The following SCAI variants were observed in gnomAD, a reference collection of about 807,000 sequenced individuals.
The protein encoded by SCAI is suppressor of cancer cell invasion.
SCAI carries 24 observed loss-of-function variants against 92.2 expected under a neutral mutation model. The ratio of observed to expected loss-of-function variants is 0.26; its 90% CI spans 0.19 to 0.37. The LOEUF (loss-of-function observed/expected upper bound fraction) is 0.37. SCAI is among the 10% of genes least tolerant of loss of function. The pLI is 1.00. For missense variants in SCAI, 450 were observed against 736.2 expected (o/e 0.61, Z 4.50); for synonymous variants, 261 against 258.6 (o/e 1.01, Z -0.09).
At chr9:124,978,209 A>T (rs1831801927) in intron 14 of SCAI, among the ~76,000 whole-genome samples, 2 of 152,204 alleles carry the variant, frequency 1.3e-5, no homozygotes, top group African/African-American at 4.8e-5. Context: ...TGGGAGGCAG[A>T]GGTGGGCAGA....
intron 13 of SCAI, among the ~76,000 whole-genome samples, chr9:124,998,684 C>T (rs1355304939): frequency 6.6e-6 from 1 of 152,060 alleles, no homozygotes; most frequent in Non-Finnish European, 1.5e-5. Flanking sequence ...GACTGGAGCA[C>T]AATCTCAGTT....
At chr9:125,084,158 C>CCTTTTTTTTTTT (rs1224570781) in intron 2 of SCAI, among the ~76,000 whole-genome samples, 1 of 65,138 alleles carries the variant, frequency 1.5e-5, no homozygotes, top group African/African-American at 6.6e-5. Flanking sequence ...TTGGCTGCTG[C>CCTTTTTTTTTTT]TTTTTTTTTT....
At chr9:125,021,876 C>T (rs949906841) in intron 6 of SCAI, among the ~76,000 whole-genome samples, 1 of 151,880 alleles carries the variant, frequency 6.6e-6, no homozygotes, top group African/African-American at 2.4e-5. Flanking sequence ...GAGTAGCTGG[C>T]CTGCAAATGC....
At position 125,018,660 on chromosome 9, in the gene SCAI, T is replaced by C. The variant is rs576270266; in HGVS notation, c.861+139A>G. The C allele has an allele frequency of 1.9e-5, 13 of 672,304 alleles. No homozygotes were observed. The African/African-American group carries it at 2.0e-4, about 10-fold the overall frequency. 41.6% of individuals were successfully genotyped at this position (672,304 alleles called of 1,614,324 possible). A position where few individuals can be genotyped will look rare whatever the true frequency, so the allele number is the denominator to read the frequency against. On this transcript the variant is annotated intron_variant, in intron 9 of 17. Transcript: ENST00000336505. ...ATTTAAATATCTGTAATATATTCCATATATGCACACAGCATAATTTAATCA... is the reference window on the plus strand; with the variant it reads ...ATTTAAATATCTGTAATATATTCCACATATGCACACAGCATAATTTAATCA...
chr9:125,099,219 C>A (rs1834627338), intron 2 of SCAI, among the ~76,000 whole-genome samples: 1 of 151,840 alleles, frequency 6.6e-6, no homozygotes, highest in Non-Finnish European at 1.5e-5. Context: ...TATGCAGATA[C>A]TTCCCCAAAT....
intron 17 of SCAI, among the ~76,000 whole-genome samples, chr9:124,962,806 C>CTT (rs575698965): frequency 2.8e-5 from 4 of 143,546 alleles, no homozygotes; most frequent in African/African-American, 5.1e-5. Context: ...CTTTCTTTTT[C>CTT]TTTTTTTTTT....
chr9:125,022,653 A>C (rs924089896), intron 6 of SCAI, among the ~76,000 whole-genome samples: 6 of 152,230 alleles, frequency 3.9e-5, no homozygotes, highest in Non-Finnish European at 8.8e-5. Context: ...CCTGGCCGCA[A>C]GCAATCTTCC....
intron 11 of SCAI, among the ~76,000 whole-genome samples, chr9:125,002,782 C>G (rs1832389374): frequency 6.6e-6 from 1 of 151,792 alleles, no homozygotes; most frequent in South Asian, 2.1e-4. Flanking sequence ...CCACGCCTGG[C>G]CAATTCTGCA....
At chr9:125,008,879 G>T (rs1181840004) in intron 9 of SCAI, among the ~76,000 whole-genome samples, 3 of 152,014 alleles carry the variant, frequency 2.0e-5, no homozygotes, top group Non-Finnish European at 2.9e-5. Context: ...GATAAATAAA[G>T]AAAACTGCAC....
chr9:125,069,083 T>C (rs1833926320), intron 2 of SCAI, among the ~76,000 whole-genome samples: 1 of 151,576 alleles, frequency 6.6e-6, no homozygotes, highest in Non-Finnish European at 1.5e-5. Flanking sequence ...CCAGGCCTGG[T>C]GGCATGCACC....
chr9:125,002,899 C>T (rs1354787357), intron 11 of SCAI, among the ~76,000 whole-genome samples: 1 of 151,082 alleles, frequency 6.6e-6, no homozygotes, highest in Non-Finnish European at 1.5e-5. Context: ...AATTTTCATT[C>T]CCAAACAGCT....
intron 2 of SCAI, among the ~76,000 whole-genome samples, chr9:125,126,424 A>T (rs575564630): frequency 0.039 from 5,631 of 146,252 alleles, 286 homozygotes; most frequent in East Asian, 0.22. Flanking sequence ...TGTGTGTGTG[A>T]GAGAGAGAGA....
intron 14 of SCAI, among the ~76,000 whole-genome samples, chr9:124,983,044 C>T (rs1366834235): frequency 2.0e-5 from 3 of 151,518 alleles, no homozygotes; most frequent in African/African-American, 2.4e-5. Context: ...TCCTAGTACT[C>T]GGGAGGCTGA....
At chr9:125,048,635 T>C (rs1289168048) in intron 3 of SCAI, among the ~76,000 whole-genome samples, 1 of 152,148 alleles carries the variant, frequency 6.6e-6, no homozygotes, top group Admixed American at 6.5e-5. Context: ...CAGTTGTCCA[T>C]TTTAGGAAAA....
intron 3 of SCAI, among the ~76,000 whole-genome samples, chr9:125,042,186 T>C (rs990175582): frequency 6.6e-6 from 1 of 152,210 alleles, no homozygotes; most frequent in Non-Finnish European, 1.5e-5. Flanking sequence ...CTAATCATAT[T>C]CTTTTTTCCA....
chr9:124,945,664 TTC>T lies in SCAI; in HGVS notation c.*7141_*7142del, dbSNP rs2131559480. 6.6e-6 allele frequency: 1 copy of T among 152,326 alleles called. No individual in the cohort carries two copies. The highest frequency in any genetic ancestry group is 2.1e-4 in the South Asian group (1 of 4,826). The allele number at this position is 152,326 out of a possible 1,614,324, so 9.4% of individuals were successfully genotyped here. A position where few individuals can be genotyped will look rare whatever the true frequency, so the allele number is the denominator to read the frequency against. ...ATTAAATTAGTTATACTTAATACAG[TTC>T]TCTTTATCCAATTAAAGGCATATCA... On this transcript the variant is annotated 3_prime_UTR_variant, in exon 18 of 18. Coordinates refer to ENST00000336505, the MANE Select transcript of SCAI (RefSeq NM_001144877.3).
At position 124,971,197 on chromosome 9, in the gene SCAI, TG is replaced by T. The variant is rs1338389804; in HGVS notation, c.1674+172del. On this transcript the variant is annotated intron_variant, in intron 17 of 17. Transcript: ENST00000336505. ...AATCTTTATACTTTACGTATTCAAA[TG>T]TATTTTTTTACTTAGCAGACCAGTG... is the stretch of plus-strand genomic sequence containing the variant. 2.9e-5 allele frequency: 12 copies of T among 418,776 alleles called. 1 individual carries two copies. The highest frequency in any genetic ancestry group is 2.3e-4 in the African/African-American group (11 of 48,402). The allele number at this position is 418,776 out of a possible 1,614,324, so 25.9% of individuals were successfully genotyped here. A position where few individuals can be genotyped will look rare whatever the true frequency, so the allele number is the denominator to read the frequency against.
At position 125,125,093 on chromosome 9, in the gene SCAI, C is replaced by T. The variant is rs377142091; in HGVS notation, c.98+17540G>A. Among the ~76,000 whole-genome samples, 13 of 152,186 alleles carry T rather than the reference C, an allele frequency of 8.5e-5. No homozygotes were observed. In the South Asian group the frequency reaches 1.0e-3, roughly 12 times the overall value. On this transcript the variant is annotated intron_variant, in intron 2 of 17. Transcript: ENST00000336505. ...AAAATTAACCAGGCATGGTGGCGCA[C>T]ACCTGTAGTCCCAGCTACTCAGGAG... is the stretch of plus-strand genomic sequence containing the variant.
chr9:125,055,524 G>A (rs1295088580), intron 3 of SCAI, among the ~76,000 whole-genome samples: 1 of 152,112 alleles, frequency 6.6e-6, no homozygotes, highest in African/African-American at 2.4e-5. Flanking sequence ...TTACAAAAAT[G>A]CAATAGGAGG....
Sources: gnomAD v4.1 joint callset for allele counts (sites outside exome capture counted in the v4.1 genomes callset) on GRCh38, gnomAD v4.1.1 for gene constraint, MANE v1.5 for transcripts, NCBI Gene and HGNC (gene_info 2026-07-23, HGNC 2026-07-21) for gene names.